The following RIPK4 variants were observed in gnomAD, a reference collection of about 807,000 sequenced individuals.
RIPK4 encodes receptor-interacting serine/threonine-protein kinase 4.
In RIPK4, 17 loss-of-function variants were observed where a neutral mutation model predicts 42.9. That is an observed-to-expected ratio of 0.40 (90% CI 0.27 to 0.59). RIPK4 has a LOEUF of 0.59. RIPK4 is among the 20% of genes least tolerant of loss of function. The pLI is 0.47. For synonymous variants in RIPK4, 498 were observed against 499.1 expected, an observed-to-expected ratio of 1.00 and a Z score of 0.03; for missense variants, 897 against 1,104.4, an observed-to-expected ratio of 0.81 and a Z score of 2.66.
chr21:41,751,183 A>G lies in RIPK4; in HGVS notation c.537T>C (p.Asp179=), dbSNP rs1186919727. ...GLSHSHDLSM[D]GLFGTIAYLP... ...GGTAGGCGATTGTGCCAAACAGGCC[A>G]TCCATGCTGAGGTCATGCGAGTGGG... Residue 179 remains aspartate, a synonymous_variant, in exon 3 of 8, where the codon GAT becomes GAC. Coordinates refer to ENST00000332512, the MANE Select transcript of RIPK4 (RefSeq NM_020639.3). This position sits in a 1 kb window ranked among gnomAD's most constrained non-coding sequence, Gnocchi z 4.5. The G allele has an allele frequency of 4.3e-6, 7 of 1,614,236 alleles. No homozygotes were observed. Among genetic ancestry groups the G allele is most frequent in the Non-Finnish European group, 5.9e-6 (7 of 1,180,032 alleles).
chr21:41,756,585 T>A lies in RIPK4; in HGVS notation c.414A>T (p.Pro138=), dbSNP rs769421962. 5.0e-6 allele frequency: 8 copies of A among 1,612,250 alleles called. No homozygotes were observed. The South Asian group carries it at 8.8e-5, about 18-fold the overall frequency. Residue 138 remains proline (P), a synonymous_variant, in exon 2 of 8, where the codon CCA becomes CCT. Transcript: ENST00000332512. ...CGGGCTTGAGGTCCAGGTGCAGGAG[T>A]GGCGGGGCCATGCAGTGCAGGAAGT... ...GMNFLHCMAP[P]LLHLDLKPAN...
chr21:41,762,637 G>GA (rs1454409256), intron 1 of RIPK4, among the ~76,000 whole-genome samples: 2 of 152,202 alleles, frequency 1.3e-5, no homozygotes, highest in African/African-American at 4.8e-5. Flanking sequence ...TCAGGTACTC[G>GA]AAGCACAGAA....
At chr21:41,763,456 GC>G (rs1345332188) in intron 1 of RIPK4, among the ~76,000 whole-genome samples, 1 of 152,166 alleles carries the variant, frequency 6.6e-6, no homozygotes, top group Non-Finnish European at 1.5e-5. Context: ...GGAAAGAACT[GC>G]CCCGGGACAT....
chr21:41,762,397 T>C (rs1256035655), intron 1 of RIPK4, among the ~76,000 whole-genome samples: 1 of 152,166 alleles, frequency 6.6e-6, no homozygotes, highest in Non-Finnish European at 1.5e-5. Context: ...CTTTCCACAC[T>C]GTTTACCATC....
chr21:41,763,014 C>A (rs904751107), intron 1 of RIPK4, among the ~76,000 whole-genome samples: 1 of 152,200 alleles, frequency 6.6e-6, no homozygotes, highest in Non-Finnish European at 1.5e-5. Flanking sequence ...CGCTTAGGCA[C>A]AGTTCAGAGG....
Position 41,741,488 on chromosome 21 carries a change from C to G in RIPK4, c.1705G>C (p.Asp569His). The G allele has an allele frequency of 1.2e-6, 2 of 1,612,674 alleles. No individual in the cohort carries two copies. Among genetic ancestry groups the G allele is most frequent in the Non-Finnish European group, 1.7e-6 (2 of 1,179,966 alleles). ...GCGTAGTGCAGTGGCAGCCAGGCATCCTTGCCCTGCAGGCTCACGTCCACG... is the reference window on the plus strand; with the variant it reads ...GCGTAGTGCAGTGGCAGCCAGGCATGCTTGCCCTGCAGGCTCACGTCCACG... ...RGVDVSLQGK[D>H]AWLPLHYAAW... The change falls in exon 8 of 8, where the codon GAT (aspartate) becomes CAT (histidine). Residue 569 changes from aspartate to histidine, a missense_variant. Physicochemically the swap from Asp to His is moderately conservative, Grantham distance 81. Transcript: ENST00000332512.
rs1183549641 is a variant in RIPK4, at chr21:41,755,213, G to A, written c.474+1312C>T. Among the ~76,000 whole-genome samples the A allele has an allele frequency of 1.3e-5, 2 of 152,172 alleles. No individual in the cohort carries two copies. Among genetic ancestry groups the A allele is most frequent in the South Asian group, 2.1e-4 (1 of 4,824 alleles). On this transcript the variant is annotated intron_variant, in intron 2 of 7. Coordinates refer to ENST00000332512, the MANE Select transcript of RIPK4 (RefSeq NM_020639.3). The surrounding 1 kb of genome is among the most constrained non-coding windows in gnomAD (Gnocchi z 4.2). Reference sequence around the variant, plus strand: ...GATGCGGGAAACCACCAGAGAGCCCGTTCAAGCCAAGTCATTTGATTTTTG... The same window carrying A: ...GATGCGGGAAACCACCAGAGAGCCCATTCAAGCCAAGTCATTTGATTTTTG...
chr21:41,741,552 G>T lies in RIPK4; in HGVS notation c.1641C>A (p.His547Gln). ...GGATGCGCACGATATTCTCCTGCCC[G>T]TGCTGGCAGGCCACGTGCATGGGCG... ...GRTPMHVACQ[H>Q]GQENIVRILL... Residue 547 changes from histidine to glutamine, a missense_variant, in exon 8 of 8, where the codon CAC becomes CAA. His to Gln is a conservative substitution (Grantham distance 24). Coordinates refer to ENST00000332512, the MANE Select transcript of RIPK4 (RefSeq NM_020639.3). 1.2e-6 allele frequency: 2 copies of T among 1,611,992 alleles called. No individual in the cohort carries two copies. Among genetic ancestry groups the T allele is most frequent in the Non-Finnish European group, 1.7e-6 (2 of 1,179,994 alleles).
intron 2 of RIPK4, among the ~76,000 whole-genome samples, chr21:41,752,811 C>G (rs910445129): frequency 6.6e-6 from 1 of 152,048 alleles, no homozygotes; most frequent in African/African-American, 2.4e-5. Context: ...CATCACACGC[C>G]GGGCCCTGTC....
At chr21:41,760,254 G>A (rs1433964496) in intron 1 of RIPK4, among the ~76,000 whole-genome samples, 1 of 152,212 alleles carries the variant, frequency 6.6e-6, no homozygotes, top group Non-Finnish European at 1.5e-5. Flanking sequence ...ATTTTAAGCA[G>A]TTCTGTGTAT....
intron 1 of RIPK4, among the ~76,000 whole-genome samples, chr21:41,765,359 A>G (rs1359249485): frequency 1.3e-5 from 2 of 152,194 alleles, no homozygotes; most frequent in Non-Finnish European, 2.9e-5. Context: ...GCAGGGGAGA[A>G]AAAGTGCACA....
Position 41,746,310 on chromosome 21 carries a change from G to A in RIPK4, c.832+303C>T, listed in dbSNP as rs746427535. On this transcript the variant is annotated intron_variant, in intron 5 of 7. Transcript: ENST00000332512. ...CACCGGCCAGGTAAGTCCCCGGGAA[G>A]AGCATGGCTGCACCTGAACTTCAGG... 1.1e-4 allele frequency: 65 copies of A among 596,016 alleles called. 1 individual carries two copies. Among genetic ancestry groups the A allele is most frequent in the South Asian group, 3.9e-5 (2 of 51,522 alleles). The allele number at this position is 596,016 out of a possible 1,614,324, so 36.9% of individuals were successfully genotyped here. A position where few individuals can be genotyped will look rare whatever the true frequency, so the allele number is the denominator to read the frequency against.
At chr21:41,762,683 T>A (rs1002427791) in intron 1 of RIPK4, among the ~76,000 whole-genome samples, 4 of 152,078 alleles carry the variant, frequency 2.6e-5, no homozygotes, top group African/African-American at 9.7e-5. Context: ...ATGGCACTAT[T>A]TTTTTTAATA....
Position 41,746,789 on chromosome 21 carries a change from C to T in RIPK4, c.674-18G>A, listed in dbSNP as rs781168270. 3.9e-5 allele frequency: 61 copies of T among 1,565,880 alleles called. No individual in the cohort carries two copies. Among genetic ancestry groups the T allele is most frequent in the East Asian group, 3.2e-4 (14 of 44,182 alleles). ...CTTCTCATCTGCCAAGGGAAGGATGCGAGTCAGGGGCTCTGCAGGGCTGGG... is the reference window on the plus strand; with the variant it reads ...CTTCTCATCTGCCAAGGGAAGGATGTGAGTCAGGGGCTCTGCAGGGCTGGG... On this transcript the variant is annotated intron_variant, in intron 4 of 7. Coordinates refer to ENST00000332512, the MANE Select transcript of RIPK4 (RefSeq NM_020639.3).
chr21:41,741,706 C>G lies in RIPK4; in HGVS notation c.1487G>C (p.Ser496Thr), dbSNP rs751109020. The G allele has an allele frequency of 3.1e-6, 5 of 1,613,644 alleles. No individual in the cohort carries two copies. The South Asian group carries it at 5.5e-5, about 18-fold the overall frequency. ...VVELLLARKISVNAKDEDQWT... is the reference protein window; with the variant it reads ...VVELLLARKITVNAKDEDQWT... ...CTGGTCCTCATCCTTGGCGTTGACA[C>G]TGATCTTCCGCGCCAGCAGGAGCTC... Residue 496 changes from serine (S) to threonine (T), a missense_variant, in exon 8 of 8, where the codon AGT becomes ACT. Ser to Thr is a moderately conservative substitution (Grantham distance 58). Transcript: ENST00000332512.
At chr21:41,747,518 G>A (rs760800690) in intron 4 of RIPK4, among the ~76,000 whole-genome samples, 1 of 152,138 alleles carries the variant, frequency 6.6e-6, no homozygotes, top group Non-Finnish European at 1.5e-5. Flanking sequence ...CTGCCCTCCA[G>A]ATCCAAACAC....
rs1017910976 is a variant in RIPK4, at chr21:41,753,862, C to T, written c.475-2617G>A. 3.3e-5 allele frequency among the ~76,000 whole-genome samples: 5 copies of T among 152,090 alleles called. No individual in the cohort carries two copies. The East Asian group carries it at 9.6e-4, about 29-fold the overall frequency. On this transcript the variant is annotated intron_variant, in intron 2 of 7. Coordinates refer to ENST00000332512, the MANE Select transcript of RIPK4 (RefSeq NM_020639.3). ...GGGCTAACTGGACATATAAATGCAG[C>T]CTGAGATTTTAAACCAAGTTATTTC... is the stretch of plus-strand genomic sequence containing the variant.
rs2061187882 is a variant in RIPK4, at chr21:41,751,302, T to C, written c.475-57A>G. 13 of 1,596,552 alleles carry C rather than the reference T, an allele frequency of 8.1e-6. No homozygotes were observed. Among genetic ancestry groups the C allele is most frequent in the East Asian group, 2.2e-5 (1 of 44,488 alleles). On this transcript the variant is annotated intron_variant, in intron 2 of 7. Coordinates refer to ENST00000332512, the MANE Select transcript of RIPK4 (RefSeq NM_020639.3). The surrounding 1 kb of genome is among the most constrained non-coding windows in gnomAD (Gnocchi z 4.5). Reference sequence around the variant, plus strand: ...AGCCTGCAACAGTGATATTTTATGATGCTTTATCAAAAGCTCCCTTCTGCA... The same window carrying C: ...AGCCTGCAACAGTGATATTTTATGACGCTTTATCAAAAGCTCCCTTCTGCA...
At chr21:41,764,795 G>T (rs1354442581) in intron 1 of RIPK4, among the ~76,000 whole-genome samples, 2 of 152,148 alleles carry the variant, frequency 1.3e-5, no homozygotes, top group Non-Finnish European at 2.9e-5. Context: ...GCCAGGGTTT[G>T]ACCAACTTCT....
Sources: allele counts gnomAD v4.1 joint callset (sites outside exome capture counted in the v4.1 genomes callset), GRCh38; gene constraint gnomAD v4.1.1; non-coding constraint Gnocchi (gnomAD v3.1); transcripts MANE v1.5; gene names NCBI Gene and HGNC (gene_info 2026-07-23, HGNC 2026-07-21).